SEMA6D: variants seen among roughly 807,000 people sequenced by gnomAD.
SEMA6D encodes the protein semaphorin-6D.
SEMA6D carries 35 observed loss-of-function variants against 106.6 expected under a neutral mutation model. The ratio of observed to expected loss-of-function variants is 0.33; its 90% CI spans 0.25 to 0.44. The LOEUF is 0.44. Among genes scored for constraint, SEMA6D ranks in the 20% least tolerant of loss-of-function variants. The pLI, the probability that SEMA6D is intolerant of heterozygous loss-of-function variation, is 1.00. For missense variants in SEMA6D, 1,185 were observed against 1,345.9 expected (o/e 0.88, Z 1.87); for synonymous variants, 499 against 487.7 (o/e 1.02, Z -0.31).
chr15:47,361,481 A>G (rs1232864166), intron 1 of SEMA6D, among the ~76,000 whole-genome samples: 1 of 152,150 alleles, frequency 6.6e-6, no homozygotes, highest in Non-Finnish European at 1.5e-5. Flanking sequence ...TCTATTCTTC[A>G]TCTATAAAAT....
At chr15:47,426,754 G>A (rs1463441136) in intron 2 of SEMA6D, among the ~76,000 whole-genome samples, 1 of 152,012 alleles carries the variant, frequency 6.6e-6, no homozygotes, top group African/African-American at 2.4e-5. Context: ...CCCAAGTAAA[G>A]CCCAATGCTA....
chr15:47,743,837 TG>T (rs1368077326), intron 1 of SEMA6D, among the ~76,000 whole-genome samples: 2 of 152,244 alleles, frequency 1.3e-5, no homozygotes, highest in Middle Eastern at 3.4e-3. Context: ...TGGTCCCTCT[TG>T]GCCCCATAGC....
rs2081996351 is a variant in SEMA6D at position 47,760,411 on chromosome 15, G to A, written c.217G>A (p.Gly73Ser). 1.2e-6 allele frequency: 2 copies of A among 1,611,098 alleles called. No homozygotes were observed. Among genetic ancestry groups the A allele is most frequent in the African/African-American group, 1.3e-5 (1 of 74,792 alleles). Residue 73 changes from glycine (G) to serine (S), a missense_variant, in exon 3 of 19, where the codon GGC (glycine) becomes AGC (serine). Coordinates refer to ENST00000536845, the MANE Select transcript of SEMA6D (RefSeq NM_001358351.3). ...LKIRDTLYIA[G>S]RDQVYTVNLN... ...AATTCGAGACACACTTTATATTGCTGGCAGGTAATTTTCCTCTCATTGGTT... is the reference window on the plus strand; with the variant it reads ...AATTCGAGACACACTTTATATTGCTAGCAGGTAATTTTCCTCTCATTGGTT...
chr15:47,188,918 A>G (rs920553874), intron 1 of SEMA6D, among the ~76,000 whole-genome samples: 3 of 152,184 alleles, frequency 2.0e-5, no homozygotes, highest in Admixed American at 2.0e-4. Context: ...GCTCAAAGTA[A>G]GTCAACATGT....
At chr15:47,420,254 G>T (rs2041109715) in intron 2 of SEMA6D, among the ~76,000 whole-genome samples, 1 of 152,056 alleles carries the variant, frequency 6.6e-6, no homozygotes, top group Non-Finnish European at 1.5e-5. Context: ...TCCTTCAACA[G>T]TAGAACATTG....
intron 1 of SEMA6D, among the ~76,000 whole-genome samples, chr15:47,388,777 T>C (rs759663379): frequency 8.8e-5 from 13 of 147,700 alleles, no homozygotes; most frequent in Middle Eastern, 6.8e-3. Context: ...GGAGGAGGCA[T>C]AATGGAGATG....
chr15:47,511,832 C>A (rs537589738), intron 3 of SEMA6D, among the ~76,000 whole-genome samples: 1 of 152,040 alleles, frequency 6.6e-6, no homozygotes. Flanking sequence ...GCTTTTGGCA[C>A]CCCTCAGGCC....
intron 1 of SEMA6D, among the ~76,000 whole-genome samples, chr15:47,306,014 G>T (rs2036215975): frequency 6.6e-6 from 1 of 150,840 alleles, no homozygotes; most frequent in Admixed American, 6.6e-5. Flanking sequence ...ATGGAGTCTT[G>T]CTCCGTTGCC....
At chr15:47,248,456 C>T (rs1223990167) in intron 1 of SEMA6D, among the ~76,000 whole-genome samples, 1 of 152,090 alleles carries the variant, frequency 6.6e-6, no homozygotes, top group East Asian at 1.9e-4. Flanking sequence ...CCCCAAAGTG[C>T]CCAGAAGGCA....
At chr15:47,314,802 G>C (rs2143261380) in intron 1 of SEMA6D, among the ~76,000 whole-genome samples, 1 of 147,554 alleles carries the variant, frequency 6.8e-6, no homozygotes, top group East Asian at 2.0e-4. Flanking sequence ...CCTGCCTTTG[G>C]TGTTGTATCT....
intron 3 of SEMA6D, among the ~76,000 whole-genome samples, chr15:47,535,392 T>C (rs566577913): frequency 3.9e-5 from 6 of 152,166 alleles, no homozygotes; most frequent in Admixed American, 3.3e-4. Context: ...CAAAGAGATA[T>C]GGGATATGGG....
intron 1 of SEMA6D, among the ~76,000 whole-genome samples, chr15:47,219,415 C>G (rs1359202489): frequency 5.9e-5 from 9 of 152,180 alleles, no homozygotes; most frequent in Admixed American, 5.9e-4. Flanking sequence ...TTAGGAAATA[C>G]AGGATCCTTA....
intron 3 of SEMA6D, among the ~76,000 whole-genome samples, chr15:47,577,209 T>C (rs2076170773): frequency 6.6e-6 from 1 of 152,250 alleles, no homozygotes; most frequent in South Asian, 2.1e-4. Context: ...TAATTTTCTC[T>C]CCTTTTCCCC....
intron 1 of SEMA6D, among the ~76,000 whole-genome samples, chr15:47,245,773 T>C (rs768964806): frequency 2.0e-5 from 3 of 152,176 alleles, no homozygotes; most frequent in Non-Finnish European, 4.4e-5. Context: ...GTTTGTATCC[T>C]GAACATTAAA....
At chr15:47,201,932 C>T (rs1424816154) in intron 1 of SEMA6D, among the ~76,000 whole-genome samples, 1 of 152,102 alleles carries the variant, frequency 6.6e-6, no homozygotes, top group Non-Finnish European at 1.5e-5. Flanking sequence ...AAAACCTCTG[C>T]TGGCTTTTTT....
chr15:47,376,678 G>A (rs2039460162), intron 1 of SEMA6D, among the ~76,000 whole-genome samples: 1 of 152,148 alleles, frequency 6.6e-6, no homozygotes, highest in South Asian at 2.1e-4. Context: ...TGGGAAGCTG[G>A]GGAGCACTGG....
At chr15:47,374,948 C>T (rs1016137527) in intron 1 of SEMA6D, among the ~76,000 whole-genome samples, 22 of 152,160 alleles carry the variant, frequency 1.4e-4, no homozygotes, top group Admixed American at 1.2e-3. Flanking sequence ...GAGGCAGGCA[C>T]GAGTAGTTAG....
rs778593812 is a variant in SEMA6D at position 47,764,056 on chromosome 15, G to A, written c.954G>A (p.Thr318=). Residue 318 remains threonine (T), a synonymous_variant, in exon 10 of 19, where the codon ACG becomes ACA. Transcript: ENST00000536845. ...GIPTVVGVFT[T]QLNSIPGSAV... is the part of the protein sequence containing the mutation. ...CCACTGTGGTCGGGGTGTTTACCAC[G>A]CAGCTCAATAGGTGAGAGCAGAACC... is the stretch of plus-strand genomic sequence containing the variant. The A allele has an allele frequency of 6.2e-6, 10 of 1,613,796 alleles. No individual in the cohort carries two copies. The highest frequency in any genetic ancestry group is 1.3e-5 in the African/African-American group (1 of 74,980).
At chr15:47,370,398 C>T (rs1381051084) in intron 1 of SEMA6D, among the ~76,000 whole-genome samples, 1 of 151,836 alleles carries the variant, frequency 6.6e-6, no homozygotes, top group Non-Finnish European at 1.5e-5. Flanking sequence ...GCATATAGTC[C>T]CAGCTACTCA....
Sources: allele counts gnomAD v4.1 joint callset (sites outside exome capture counted in the v4.1 genomes callset), GRCh38; gene constraint gnomAD v4.1.1; transcripts MANE v1.5; gene names NCBI Gene and HGNC (gene_info 2026-07-23, HGNC 2026-07-21).